DACH1: variants seen among roughly 807,000 people sequenced by gnomAD.
The protein encoded by DACH1 is dachshund family transcription factor 1.
DACH1 carries 12 observed loss-of-function variants against 54.2 expected under a neutral mutation model. The observed-to-expected ratio is 0.22, with a 90% CI of 0.14 to 0.36. The LOEUF (loss-of-function observed/expected upper bound fraction) is 0.36. DACH1 is among the 10% of genes least tolerant of loss of function. The probability of loss-of-function intolerance (pLI) is 1.00; values close to 1 mark genes in which losing one functional copy is unlikely to be tolerated. For missense variants in DACH1, 805 were observed against 929.8 expected (o/e 0.87, Z 1.75); for synonymous variants, 386 against 366.2 (o/e 1.05, Z -0.62).
chr13:71,500,320 A>G (rs1263360312), intron 6 of DACH1, among the ~76,000 whole-genome samples: 1 of 152,178 alleles, frequency 6.6e-6, no homozygotes, highest in Non-Finnish European at 1.5e-5. Flanking sequence ...GCTAGGCACC[A>G]TCACAGGGTG....
intron 1 of DACH1, among the ~76,000 whole-genome samples, chr13:71,838,135 T>C (rs1888871792): frequency 6.6e-6 from 1 of 151,068 alleles, no homozygotes; most frequent in Non-Finnish European, 1.5e-5. Flanking sequence ...AAGAGAAATA[T>C]AAACTCAAAA....
chr13:71,706,018 A>G (rs991742066), intron 1 of DACH1, among the ~76,000 whole-genome samples: 7 of 151,994 alleles, frequency 4.6e-5, no homozygotes, highest in Non-Finnish European at 7.4e-5. Context: ...TTTCTTATCA[A>G]TCAAGAAATC....
At chr13:71,792,682 G>T (rs141904137) in intron 1 of DACH1, among the ~76,000 whole-genome samples, 20 of 152,132 alleles carry the variant, frequency 1.3e-4, no homozygotes, top group Non-Finnish European at 4.4e-5. Flanking sequence ...AATGGAAACT[G>T]AGCATGCCAC....
chr13:71,626,048 G>A (rs1876622613), intron 3 of DACH1, among the ~76,000 whole-genome samples: 1 of 151,928 alleles, frequency 6.6e-6, no homozygotes, highest in South Asian at 2.1e-4. Flanking sequence ...TATACATAGT[G>A]TTTTCCTTAA....
At chr13:71,460,075 T>G (rs1875939966) in intron 10 of DACH1, among the ~76,000 whole-genome samples, 1 of 151,832 alleles carries the variant, frequency 6.6e-6, no homozygotes, top group Non-Finnish European at 1.5e-5. Context: ...AAGAAAAGAG[T>G]CATACATAAA....
intron 3 of DACH1, among the ~76,000 whole-genome samples, chr13:71,615,270 T>C (rs1875675496): frequency 6.6e-6 from 1 of 152,146 alleles, no homozygotes; most frequent in Admixed American, 6.5e-5. Context: ...ATTTAAACCA[T>C]TTTTAGGCGT....
At chr13:71,689,871 TAAG>T (rs1162702448) in intron 1 of DACH1, among the ~76,000 whole-genome samples, 1 of 152,188 alleles carries the variant, frequency 6.6e-6, no homozygotes, top group East Asian at 1.9e-4. Context: ...CTAAAGCTTC[TAAG>T]TCCTCTTCCC....
intron 6 of DACH1, among the ~76,000 whole-genome samples, chr13:71,533,180 G>T (rs914102393): frequency 4.0e-5 from 6 of 151,686 alleles, no homozygotes; most frequent in African/African-American, 1.5e-4. Flanking sequence ...GTGAGTCAGA[G>T]AAAAGCTCTT....
chr13:71,665,265 T>C (rs921415606), intron 2 of DACH1, among the ~76,000 whole-genome samples: 19 of 151,964 alleles, frequency 1.3e-4, no homozygotes, highest in African/African-American at 4.6e-4. Flanking sequence ...AATAAAGTAA[T>C]AGCTAAGTTA....
chr13:71,784,689 C>T (rs1886519473), intron 1 of DACH1, among the ~76,000 whole-genome samples: 1 of 152,090 alleles, frequency 6.6e-6, no homozygotes, highest in African/African-American at 2.4e-5. Flanking sequence ...CCCAGACATG[C>T]TCATTAGCCA....
At chr13:71,695,197 C>A (rs1323735375) in intron 1 of DACH1, among the ~76,000 whole-genome samples, 1 of 152,124 alleles carries the variant, frequency 6.6e-6, no homozygotes, top group African/African-American at 2.4e-5. Context: ...ATTTAAAACA[C>A]GGCTTCAGTC....
At chr13:71,855,971 GAGA>G (rs1873976078) in intron 1 of DACH1, among the ~76,000 whole-genome samples, 1 of 151,878 alleles carries the variant, frequency 6.6e-6, no homozygotes, top group African/African-American at 2.4e-5. Flanking sequence ...TATACATAAA[GAGA>G]AGAATTTTGT....
intron 1 of DACH1, among the ~76,000 whole-genome samples, chr13:71,790,257 C>T (rs536699876): frequency 6.6e-6 from 1 of 152,060 alleles, no homozygotes; most frequent in African/African-American, 2.4e-5. Flanking sequence ...ATGCTTTAGT[C>T]GAACCTATAT....
chr13:71,511,187 G>A (rs570249979), intron 6 of DACH1, among the ~76,000 whole-genome samples: 3 of 152,134 alleles, frequency 2.0e-5, no homozygotes, highest in South Asian at 2.1e-4. Flanking sequence ...ACACGCATGT[G>A]AGTATGGAAG....
At chr13:71,860,612 T>C (rs1281531046) in intron 1 of DACH1, among the ~76,000 whole-genome samples, 1 of 152,060 alleles carries the variant, frequency 6.6e-6, no homozygotes, top group African/African-American at 2.4e-5. Flanking sequence ...TTAGAAGGCA[T>C]AGTTCAAATT....
intron 1 of DACH1, among the ~76,000 whole-genome samples, chr13:71,838,269 T>C (rs1888875630): frequency 6.6e-6 from 1 of 152,146 alleles, no homozygotes; most frequent in South Asian, 2.1e-4. Flanking sequence ...GTTTAATATA[T>C]AGATGCTGCA....
chr13:71,821,961 T>C (rs1888205792), intron 1 of DACH1, among the ~76,000 whole-genome samples: 1 of 152,042 alleles, frequency 6.6e-6, no homozygotes, highest in Non-Finnish European at 1.5e-5. Flanking sequence ...CTCGGGAGGC[T>C]GAGGCAGGAG....
intron 2 of DACH1, among the ~76,000 whole-genome samples, chr13:71,654,706 G>T (rs1047960007): frequency 6.6e-6 from 1 of 151,918 alleles, no homozygotes; most frequent in African/African-American, 2.4e-5. Flanking sequence ...GTTCACAAAC[G>T]TTACATTCAA....
chr13:71,692,506 C>CTTTTTTTTTTTTTTTTTTTTTTTT lies in DACH1; in HGVS notation c.849-10620_849-10597dup, dbSNP rs398023338. Reference sequence around the variant, plus strand: ...CCTTTCTTTTTCTTTCTTTTCTTTCCTTTTTTTTTTTTTTTTTTTTTTTTT... The same window carrying CTTTTTTTTTTTTTTTTTTTTTTTT: ...CCTTTCTTTTTCTTTCTTTTCTTTCCTTTTTTTTTTTTTTTTTTTTTTTTTTTTTTTTTTTTTTTTTTTTTTTTT... On this transcript the variant is annotated intron_variant, in intron 1 of 10. Transcript: ENST00000613252. 3.6e-4 allele frequency among the ~76,000 whole-genome samples: 16 copies of CTTTTTTTTTTTTTTTTTTTTTTTT among 44,428 alleles called. 1 individual carries two copies. Among genetic ancestry groups the CTTTTTTTTTTTTTTTTTTTTTTTT allele is most frequent in the Admixed American group, 1.8e-3 (4 of 2,278 alleles). 29.1% of individuals were successfully genotyped at this position (44,428 alleles called of 152,430 possible). A position where few individuals can be genotyped will look rare whatever the true frequency, so the allele number is the denominator to read the frequency against.
Sources: gnomAD v4.1 joint callset for allele counts (sites outside exome capture counted in the v4.1 genomes callset) on GRCh38, gnomAD v4.1.1 for gene constraint, MANE v1.5 for transcripts, NCBI Gene and HGNC (gene_info 2026-07-23, HGNC 2026-07-21) for gene names.